The following MAGI2 variants were observed in gnomAD, a reference collection of about 807,000 sequenced individuals.
The protein encoded by MAGI2 is membrane associated guanylate kinase, WW and PDZ domain containing 2.
A neutral mutation model predicts 133.3 loss-of-function variants in MAGI2; 35 were observed. The ratio of observed to expected loss-of-function variants is 0.26; its 90% CI spans 0.20 to 0.35. The LOEUF is 0.35. Among genes scored for constraint, MAGI2 ranks in the 10% least tolerant of loss-of-function variants. MAGI2 has a pLI of 1.00. For synonymous variants in MAGI2, 729 were observed against 710.6 expected (o/e 1.03, Z -0.41); for missense variants, 1,636 against 1,863.4 (o/e 0.88, Z 2.25).
intron 14 of MAGI2, among the ~76,000 whole-genome samples, chr7:78,171,362 CT>C (rs1826091659): frequency 1.3e-5 from 2 of 152,176 alleles, no homozygotes; most frequent in Non-Finnish European, 2.9e-5. Context: ...AGTTCTCAAA[CT>C]TTTGGATGCA....
chr7:78,693,280 G>A (rs1817159822), intron 2 of MAGI2, among the ~76,000 whole-genome samples: 1 of 152,124 alleles, frequency 6.6e-6, no homozygotes, highest in South Asian at 2.1e-4. Flanking sequence ...CAAATCAGGT[G>A]CTCAATTGGC....
At chr7:79,425,620 G>A (rs1450125437) in intron 1 of MAGI2, among the ~76,000 whole-genome samples, 7 of 148,848 alleles carry the variant, frequency 4.7e-5, no homozygotes, top group Non-Finnish European at 4.5e-5. Context: ...GTATATATAC[G>A]TTTTGATTAC....
chr7:78,256,738 G>A (rs986549632), intron 9 of MAGI2, among the ~76,000 whole-genome samples, 157 bp from the exon 10 acceptor site: 7 of 152,118 alleles, frequency 4.6e-5, no homozygotes, highest in Admixed American at 1.3e-4. Context: ...GGTGACTCAA[G>A]GTTACAACAG....
chr7:79,384,863 T>G (rs1844065629), intron 1 of MAGI2, among the ~76,000 whole-genome samples: 1 of 151,758 alleles, frequency 6.6e-6, no homozygotes, highest in Non-Finnish European at 1.5e-5. Flanking sequence ...AGGAACAAAC[T>G]GAATATTTTT....
At chr7:78,477,973 T>C (rs1001942062) in intron 6 of MAGI2, among the ~76,000 whole-genome samples, 9 of 151,868 alleles carry the variant, frequency 5.9e-5, no homozygotes, top group Non-Finnish European at 1.0e-4. Context: ...GTGCAGAACG[T>C]GCAGGTTTGT....
chr7:78,593,425 A>G (rs1804258687), intron 3 of MAGI2, among the ~76,000 whole-genome samples: 1 of 152,160 alleles, frequency 6.6e-6, no homozygotes, highest in Admixed American at 6.5e-5. Flanking sequence ...TGACAGTTTG[A>G]AACGCAGAGT....
intron 3 of MAGI2, among the ~76,000 whole-genome samples, chr7:78,594,701 C>T (rs925816699): frequency 6.6e-6 from 1 of 152,246 alleles, no homozygotes; most frequent in Middle Eastern, 3.4e-3. Context: ...CGTGATCTGC[C>T]TGCCTCGGCC....
At chr7:78,562,626 T>A (rs1295936384) in intron 3 of MAGI2, among the ~76,000 whole-genome samples, 7 of 152,238 alleles carry the variant, frequency 4.6e-5, no homozygotes, top group Non-Finnish European at 1.5e-5. Flanking sequence ...AATCATACTA[T>A]ATCTAGTTGA....
chr7:78,516,351 G>T (rs1422140237), intron 4 of MAGI2, among the ~76,000 whole-genome samples: 1 of 151,944 alleles, frequency 6.6e-6, no homozygotes, highest in Non-Finnish European at 1.5e-5. Flanking sequence ...ACCTGTTTTT[G>T]TTGTTGTTGT....
At chr7:79,244,841 G>C (rs982144620) in intron 1 of MAGI2, among the ~76,000 whole-genome samples, 10 of 152,182 alleles carry the variant, frequency 6.6e-5, no homozygotes, top group Admixed American at 1.3e-4. Context: ...ACAGCTCTGG[G>C]ACAGACTCCT....
intron 10 of MAGI2, among the ~76,000 whole-genome samples, chr7:78,201,601 T>C (rs945262574): frequency 6.6e-6 from 1 of 152,242 alleles, no homozygotes; most frequent in Non-Finnish European, 1.5e-5. Flanking sequence ...ATGGTTGTTT[T>C]ATTTACCTGC....
chr7:78,252,581 A>G (rs1005529231), intron 10 of MAGI2: 2 of 152,080 alleles, frequency 1.3e-5, no homozygotes, highest in African/African-American at 4.8e-5. Flanking sequence ...AGAAGAAAAC[A>G]CAAGAAATCT....
intron 2 of MAGI2, among the ~76,000 whole-genome samples, chr7:78,823,374 G>C (rs894399246): frequency 1.3e-5 from 2 of 152,056 alleles, no homozygotes; most frequent in Admixed American, 1.3e-4. Flanking sequence ...ACGAGGTCAG[G>C]AGATCGAGAC....
At chr7:79,135,396 A>C (rs560893691) in intron 1 of MAGI2, among the ~76,000 whole-genome samples, 1 of 152,366 alleles carries the variant, frequency 6.6e-6, no homozygotes, top group Non-Finnish European at 1.5e-5. Context: ...TCAAAGGAAG[A>C]AACTCTCAGA....
intron 3 of MAGI2, among the ~76,000 whole-genome samples, chr7:78,532,946 CTT>C (rs371827779): frequency 4.1e-5 from 6 of 145,556 alleles, no homozygotes; most frequent in Non-Finnish European, 6.1e-5. Flanking sequence ...TCAACTAATT[CTT>C]TTTTTTTTTT....
At chr7:78,573,365 A>AATATAT (rs58739225) in intron 3 of MAGI2, among the ~76,000 whole-genome samples, 590 of 28,966 alleles carry the variant, frequency 0.02, 36 homozygotes, top group Admixed American at 0.042. Context: ...GAATCCTGGA[A>AATATAT]ATATATATAT....
At chr7:78,759,199 C>G (rs1021644487) in intron 2 of MAGI2, among the ~76,000 whole-genome samples, 1 of 151,974 alleles carries the variant, frequency 6.6e-6, no homozygotes, top group Admixed American at 6.6e-5. Flanking sequence ...GTAATCAAGT[C>G]TACCAGAGTC....
intron 1 of MAGI2, among the ~76,000 whole-genome samples, chr7:79,048,283 T>A (rs1387369424): frequency 6.6e-6 from 1 of 152,156 alleles, no homozygotes; most frequent in African/African-American, 2.4e-5. Flanking sequence ...ACACATTAAA[T>A]TCCTTTTTAC....
chr7:79,130,335 A>T (rs1420373865), intron 1 of MAGI2, among the ~76,000 whole-genome samples: 1 of 152,154 alleles, frequency 6.6e-6, no homozygotes, highest in Non-Finnish European at 1.5e-5. Context: ...AGAAAAGAAG[A>T]GAAAATACTT....
Sources: allele counts gnomAD v4.1 joint callset (sites outside exome capture counted in the v4.1 genomes callset), GRCh38; gene constraint gnomAD v4.1.1; transcripts MANE v1.5; gene names NCBI Gene and HGNC (gene_info 2026-07-23, HGNC 2026-07-21).